The following DGKB variants were observed in gnomAD, a reference collection of about 807,000 sequenced individuals.
The protein encoded by DGKB is diacylglycerol kinase beta.
In DGKB, 67 loss-of-function variants were observed where a neutral mutation model predicts 114.3. The observed-to-expected ratio is 0.59, with a 90% CI of 0.48 to 0.72. The LOEUF is 0.72. Ranked by LOEUF, DGKB falls within the 30% of genes least tolerant of loss-of-function variation. The pLI is 0.00. For missense variants in DGKB, 907 were observed against 975.2 expected, an observed-to-expected ratio of 0.93 and a Z score of 0.93; for synonymous variants, 398 against 323.1, an observed-to-expected ratio of 1.23 and a Z score of -2.49.
At chr7:14,706,837 A>G (rs1230543793) in intron 6 of DGKB, among the ~76,000 whole-genome samples, 1 of 118,120 alleles carries the variant, frequency 8.5e-6, no homozygotes, top group Non-Finnish European at 1.7e-5. Context: ...GGAAATTTAT[A>G]GCACTAAATG....
At chr7:14,654,497 A>T (rs1815360455) in intron 13 of DGKB, among the ~76,000 whole-genome samples, 2 of 152,054 alleles carry the variant, frequency 1.3e-5, no homozygotes, top group African/African-American at 4.8e-5. Context: ...AATCCCTATT[A>T]AAAATTGCAA....
At chr7:14,560,424 A>G (rs1012221005) in intron 20 of DGKB, among the ~76,000 whole-genome samples, 1 of 152,122 alleles carries the variant, frequency 6.6e-6, no homozygotes, top group African/African-American at 2.4e-5. Context: ...GAATTTGACC[A>G]TTTTATATAC....
intron 1 of DGKB, among the ~76,000 whole-genome samples, chr7:14,945,984 A>T (rs2128257341): frequency 6.6e-6 from 1 of 151,746 alleles, no homozygotes; most frequent in South Asian, 2.1e-4. Flanking sequence ...TATTACTGAG[A>T]TGCTGCGTAA....
chr7:14,410,228 A>C (rs757810466), intron 21 of DGKB, among the ~76,000 whole-genome samples: 2 of 151,486 alleles, frequency 1.3e-5, no homozygotes, highest in African/African-American at 4.8e-5. Flanking sequence ...ATATATACAT[A>C]TACATGCACA....
At chr7:14,382,084 T>A (rs1819566584) in intron 21 of DGKB, among the ~76,000 whole-genome samples, 1 of 128,468 alleles carries the variant, frequency 7.8e-6, no homozygotes, top group African/African-American at 2.7e-5. Flanking sequence ...AAGTCTAAAC[T>A]GCAAATAGTT....
chr7:14,166,984 C>T (rs774144911), intron 25 of DGKB, among the ~76,000 whole-genome samples: 8 of 152,006 alleles, frequency 5.3e-5, no homozygotes, highest in South Asian at 2.1e-4. Context: ...CCAAGGCAGG[C>T]GGATTGCCTG....
chr7:14,845,678 A>C (rs1177714612), intron 1 of DGKB, among the ~76,000 whole-genome samples: 1 of 152,104 alleles, frequency 6.6e-6, no homozygotes, highest in Non-Finnish European at 1.5e-5. Context: ...CTTTTTGTTC[A>C]TAAAGAAAAG....
intron 20 of DGKB, among the ~76,000 whole-genome samples, chr7:14,503,826 A>C (rs1223598790): frequency 6.6e-6 from 1 of 152,106 alleles, no homozygotes; most frequent in Non-Finnish European, 1.5e-5. Context: ...CAGTTAGAAA[A>C]CCTTTGCAGA....
chr7:14,657,127 C>T (rs757602528), intron 13 of DGKB, among the ~76,000 whole-genome samples: 6 of 151,616 alleles, frequency 4.0e-5, no homozygotes, highest in African/African-American at 4.8e-5. Context: ...AAGAAATACA[C>T]GGACATGCTA....
intron 21 of DGKB, among the ~76,000 whole-genome samples, chr7:14,395,770 C>A (rs1292071414): frequency 2.0e-5 from 3 of 151,878 alleles, no homozygotes; most frequent in African/African-American, 7.2e-5. Context: ...TTAAGATATA[C>A]ATTATTTCAC....
chr7:14,703,400 G>C lies in DGKB; in HGVS notation c.467-1670C>G, dbSNP rs73272157. ...AACACACATGGGTAGGATATATATA[G>C]ATAATGGGCATTCATTACTGACAGT... On this transcript the variant is annotated intron_variant, in intron 6 of 25. Coordinates refer to ENST00000402815, the MANE Select transcript of DGKB (RefSeq NM_001350709.2). Among the ~76,000 whole-genome samples the C allele has an allele frequency of 8.1e-3, 1,238 of 152,296 alleles. 11 individuals carry two copies. Among genetic ancestry groups the C allele is most frequent in the African/African-American group, 0.028 (1,170 of 41,556 alleles).
chr7:14,338,822 T>A (rs1562965238), intron 22 of DGKB, 112 bp from the exon 23 acceptor site: 4 of 649,964 alleles, frequency 6.2e-6, no homozygotes, highest in South Asian at 9.0e-5. Context: ...CATAATGTTG[T>A]CATTTCCAAA....
At chr7:14,836,186 C>A (rs977342416) in intron 2 of DGKB, among the ~76,000 whole-genome samples, 6 of 152,188 alleles carry the variant, frequency 3.9e-5, no homozygotes, top group Admixed American at 2.6e-4. Context: ...CACTAAGTCA[C>A]ACCACATGCC....
intron 23 of DGKB, among the ~76,000 whole-genome samples, chr7:14,192,349 C>A (rs1397890389): frequency 6.6e-6 from 1 of 152,068 alleles, no homozygotes; most frequent in Non-Finnish European, 1.5e-5. Context: ...ATTTTTAAAA[C>A]TTTCTTTTAC....
At chr7:14,853,232 A>T (rs1235887964) in intron 1 of DGKB, among the ~76,000 whole-genome samples, 1 of 152,192 alleles carries the variant, frequency 6.6e-6, no homozygotes, top group Non-Finnish European at 1.5e-5. Flanking sequence ...CAGTATAAAA[A>T]CAGAGAAATG....
chr7:14,809,425 A>T (rs1459746663), intron 2 of DGKB, among the ~76,000 whole-genome samples: 3 of 152,078 alleles, frequency 2.0e-5, no homozygotes, highest in Non-Finnish European at 4.4e-5. Context: ...AAAGACTTCA[A>T]GTTCAAGTGA....
chr7:14,271,812 G>T (rs570896788), intron 23 of DGKB, among the ~76,000 whole-genome samples: 1 of 152,278 alleles, frequency 6.6e-6, no homozygotes, highest in African/African-American at 2.4e-5. Flanking sequence ...GTGTGTGCTG[G>T]TGCCAAGGGG....
chr7:14,919,095 AACACAC>A (rs3036019), intron 1 of DGKB, among the ~76,000 whole-genome samples: 24 of 114,970 alleles, frequency 2.1e-4, no homozygotes, highest in Admixed American at 3.5e-4. Context: ...CACACACACA[AACACAC>A]ACACACACAC....
chr7:14,201,561 G>A lies in DGKB; in HGVS notation c.2123-23410C>T, dbSNP rs139521452. ...GGGGAGTGTCGGAAGGCATTGCAGTGGCCACCGGGGTTCAGGGTTGGTAGA... is the reference window on the plus strand; with the variant it reads ...GGGGAGTGTCGGAAGGCATTGCAGTAGCCACCGGGGTTCAGGGTTGGTAGA... On this transcript the variant is annotated intron_variant, in intron 23 of 25. Coordinates refer to ENST00000402815, the MANE Select transcript of DGKB (RefSeq NM_001350709.2). 9.7e-3 allele frequency among the ~76,000 whole-genome samples: 1,478 copies of A among 151,964 alleles called. 10 individuals are homozygous for A. Among genetic ancestry groups the A allele is most frequent in the Non-Finnish European group, 0.015 (1,001 of 67,888 alleles).
Sources: gnomAD v4.1 joint callset for allele counts (sites outside exome capture counted in the v4.1 genomes callset) on GRCh38, gnomAD v4.1.1 for gene constraint, MANE v1.5 for transcripts, NCBI Gene and HGNC (gene_info 2026-07-23, HGNC 2026-07-21) for gene names.